SPATA31G1: variants seen among roughly 807,000 people sequenced by gnomAD.
The protein encoded by SPATA31G1 is spermatogenesis-associated protein 31G1.
chr9:35,043,806 G>C, the SPATA31G1 span: 1 of 1,614,050 alleles, frequency 6.2e-7, no homozygotes, highest in Non-Finnish European at 8.5e-7. Flanking sequence ...CCCTCCCCTA[G>C]ACTCCCTGCC....
the SPATA31G1 span, chr9:35,043,528 C>G: frequency 1.2e-6 from 2 of 1,614,090 alleles, no homozygotes; most frequent in South Asian, 1.1e-5. Context: ...GGAGTTTTAT[C>G]TGGCGCTGAG....
At chr9:35,044,582 T>C in the SPATA31G1 span, 3 of 1,614,188 alleles carry the variant, frequency 1.9e-6, no homozygotes, top group Non-Finnish European at 2.5e-6. Flanking sequence ...CCTCAAACTC[T>C]GTTTCAAAGT....
the SPATA31G1 span, chr9:35,041,890 T>A: frequency 1.1e-5 from 2 of 179,476 alleles, no homozygotes; most frequent in African/African-American, 4.8e-5. Flanking sequence ...TAACAATAAA[T>A]ATCTATAAAA....
At chr9:35,042,891 C>G in the SPATA31G1 span, 4 of 1,613,984 alleles carry the variant, frequency 2.5e-6, no homozygotes, top group African/African-American at 5.3e-5. Flanking sequence ...TGTGGCCTTC[C>G]TTGATCACCT....
the SPATA31G1 span, chr9:35,044,416 A>G: frequency 4.3e-6 from 7 of 1,613,432 alleles, no homozygotes; most frequent in Middle Eastern, 1.6e-4. Context: ...AAGACAAAAA[A>G]CTCCTGGGCC....
the SPATA31G1 span, chr9:35,043,720 T>C: frequency 1.1e-4 from 170 of 1,614,214 alleles, 4 homozygotes; most frequent in South Asian, 1.8e-3. Flanking sequence ...GGACTTGCTA[T>C]ATCTAAGGAC....
chr9:35,042,779 T>G, the SPATA31G1 span: 1 of 1,520,806 alleles, frequency 6.6e-7, no homozygotes. Context: ...ACTCTGGATA[T>G]GGAGCAGACT....
the SPATA31G1 span, chr9:35,042,478 A>G: frequency 6.2e-7 from 1 of 1,614,080 alleles, no homozygotes; most frequent in Non-Finnish European, 8.5e-7. Context: ...AATATGGTGC[A>G]AGGCAAGGTG....
the SPATA31G1 span, chr9:35,043,522 T>A: frequency 5.0e-6 from 8 of 1,613,168 alleles, no homozygotes; most frequent in Non-Finnish European, 5.9e-6. Flanking sequence ...CACAAGGGAG[T>A]TTTATCTGGC....
At chr9:35,042,784 C>A in the SPATA31G1 span, 2 of 1,536,596 alleles carry the variant, frequency 1.3e-6, no homozygotes, top group Non-Finnish European at 8.8e-7. Context: ...GGATATGGAG[C>A]AGACTGAGTG....
the SPATA31G1 span, chr9:35,044,266 C>G: frequency 3.7e-6 from 6 of 1,614,196 alleles, no homozygotes; most frequent in African/African-American, 8.0e-5. Flanking sequence ...TGGAAGGATA[C>G]TGAGCATTCC....
chr9:35,044,881 G>C, the SPATA31G1 span: 45 of 1,613,920 alleles, frequency 2.8e-5, no homozygotes. Context: ...CTACCCAAGG[G>C]AGTAACGTGC....
chr9:35,044,199 C>G, the SPATA31G1 span: 1 of 1,614,116 alleles, frequency 6.2e-7, no homozygotes, highest in Non-Finnish European at 8.5e-7. Context: ...TCCAACCACC[C>G]TTATGGAACC....
chr9:35,044,119 TG>T, the SPATA31G1 span: 3 of 1,613,978 alleles, frequency 1.9e-6, no homozygotes, highest in African/African-American at 4.0e-5. Flanking sequence ...TCCAAAGCTT[TG>T]TGGGAGACCA....
chr9:35,045,558 G>C, the SPATA31G1 span: 25 of 1,614,054 alleles, frequency 1.5e-5, no homozygotes, highest in Non-Finnish European at 2.1e-5. Flanking sequence ...CCCTGCCCAG[G>C]CCAGAAGCCT....
At chr9:35,044,033 A>G in the SPATA31G1 span, 1 of 1,613,832 alleles carries the variant, frequency 6.2e-7, no homozygotes. Flanking sequence ...CTGCAGACCC[A>G]GTTTCACCTC....
chr9:35,042,672 T>C, the SPATA31G1 span: 3 of 1,163,286 alleles, frequency 2.6e-6, no homozygotes, highest in Non-Finnish European at 3.6e-6. Flanking sequence ...GAGGGAATAC[T>C]GATCTCCAAA....
At chr9:35,041,283 T>C in the SPATA31G1 span, 1 of 210,750 alleles carries the variant, frequency 4.7e-6, no homozygotes, top group Non-Finnish European at 9.9e-6. Flanking sequence ...GTAAATTGAT[T>C]TATTACGGCT....
At chr9:35,044,556 A>AG in the SPATA31G1 span, 12 of 1,614,024 alleles carry the variant, frequency 7.4e-6, no homozygotes, top group Middle Eastern at 3.3e-4. Flanking sequence ...GTTCCCAGGT[A>AG]GGGGCTCCAG....
Sources: allele counts gnomAD v4.1 joint callset, GRCh38; gene constraint gnomAD v4.1.1; transcripts MANE v1.5; gene names NCBI Gene and HGNC (gene_info 2026-07-23, HGNC 2026-07-21).